The following SCEL variants were observed in gnomAD, a reference collection of about 807,000 sequenced individuals.
SCEL encodes sciellin.
SCEL carries 113 observed loss-of-function variants against 117.6 expected under a neutral mutation model. The observed-to-expected ratio is 0.96, with a 90% CI of 0.83 to 1.12. SCEL has a LOEUF of 1.12. Among genes scored for constraint, SCEL ranks in the 50% most tolerant of loss-of-function variants. The pLI, the probability that SCEL is intolerant of heterozygous loss-of-function variation, is 0.00. For missense variants in SCEL, 785 were observed against 810.8 expected (o/e 0.97, Z 0.39); for synonymous variants, 270 against 256.2 (o/e 1.05, Z -0.51).
At chr13:77,585,275 T>G (rs1169956866) in intron 9 of SCEL, among the ~76,000 whole-genome samples, 1 of 152,108 alleles carries the variant, frequency 6.6e-6, no homozygotes, top group Non-Finnish European at 1.5e-5. Context: ...TATGGGGGAA[T>G]GTAGGGATGT....
At chr13:77,625,576 G>T (rs533459986) in intron 27 of SCEL, among the ~76,000 whole-genome samples, 2 of 152,264 alleles carry the variant, frequency 1.3e-5, no homozygotes, top group South Asian at 4.1e-4. Flanking sequence ...CATTTAAAAA[G>T]TAATTTACCC....
intron 8 of SCEL, 28 bp downstream of exon 8, chr13:77,569,479 T>G: frequency 2.6e-6 from 4 of 1,534,876 alleles, no homozygotes; most frequent in Non-Finnish European, 3.6e-6. Context: ...TGTCTACCTC[T>G]TGCTGATACA....
At chr13:77,574,890 A>G (rs1207585974) in intron 9 of SCEL, among the ~76,000 whole-genome samples, 1 of 152,156 alleles carries the variant, frequency 6.6e-6, no homozygotes, top group Non-Finnish European at 1.5e-5. Flanking sequence ...ATCTTCTCCA[A>G]AAGAATTTTC....
At chr13:77,579,413 A>G (rs1367389485) in intron 9 of SCEL, among the ~76,000 whole-genome samples, 3 of 152,190 alleles carry the variant, frequency 2.0e-5, no homozygotes, top group Non-Finnish European at 4.4e-5. Context: ...TAGACAATGA[A>G]TTTCCCTCAA....
At chr13:77,588,865 T>C (rs1490570925) in intron 9 of SCEL, among the ~76,000 whole-genome samples, 4 of 152,144 alleles carry the variant, frequency 2.6e-5, no homozygotes, top group Admixed American at 1.3e-4. Context: ...TAGCAAAATA[T>C]TGAGTTATTT....
intron 32 of SCEL, among the ~76,000 whole-genome samples, chr13:77,643,063 C>A (rs371629725): frequency 1.3e-5 from 2 of 151,876 alleles, no homozygotes; most frequent in Non-Finnish European, 2.9e-5. Context: ...GAAAATTTTC[C>A]GTTTTTTTCC....
chr13:77,639,692 G>A (rs2090469360), intron 30 of SCEL, among the ~76,000 whole-genome samples: 1 of 152,052 alleles, frequency 6.6e-6, no homozygotes, highest in African/African-American at 2.4e-5. Context: ...AATAATAATA[G>A]TGGCTTGTCA....
intron 16 of SCEL, 90 bp downstream of exon 16, chr13:77,602,214 T>C (rs1270779952): frequency 9.1e-7 from 1 of 1,094,892 alleles, no homozygotes; most frequent in Non-Finnish European, 1.3e-6. Flanking sequence ...CTTTCCTTTG[T>C]GGCAGTGAAC....
intron 4 of SCEL, among the ~76,000 whole-genome samples, chr13:77,561,416 A>G (rs951222348): frequency 1.3e-5 from 2 of 152,218 alleles, no homozygotes; most frequent in East Asian, 1.9e-4. Context: ...AGGAACAAAA[A>G]TCTGTAAGCC....
At chr13:77,564,154 G>T (rs2085148062) in intron 5 of SCEL, among the ~76,000 whole-genome samples, 1 of 151,396 alleles carries the variant, frequency 6.6e-6, no homozygotes, top group Non-Finnish European at 1.5e-5. Flanking sequence ...AGTACAGCTA[G>T]GGTGGGTACT....
chr13:77,584,566 T>C (rs757805575), intron 9 of SCEL, among the ~76,000 whole-genome samples: 15 of 152,196 alleles, frequency 9.9e-5, no homozygotes, highest in Non-Finnish European at 1.6e-4. Flanking sequence ...TTTGAGGCCC[T>C]AGACATTTTA....
intron 9 of SCEL, among the ~76,000 whole-genome samples, chr13:77,575,549 A>T (rs17067972): frequency 6.6e-6 from 1 of 152,190 alleles, no homozygotes; most frequent in Non-Finnish European, 1.5e-5. Flanking sequence ...TTATGCAATA[A>T]GAGAGTTCAG....
intron 24 of SCEL, among the ~76,000 whole-genome samples, chr13:77,615,089 A>G (rs1463955527): frequency 2.0e-5 from 3 of 152,178 alleles, no homozygotes; most frequent in Admixed American, 1.3e-4. Flanking sequence ...TATAGAATAT[A>G]TTGTCCATGA....
At chr13:77,630,273 A>G (rs1276065103) in intron 28 of SCEL, among the ~76,000 whole-genome samples, 6 of 152,194 alleles carry the variant, frequency 3.9e-5, no homozygotes, top group Admixed American at 3.3e-4. Context: ...TTTTATTTCA[A>G]TTCTAAATGA....
chr13:77,592,550 T>C (rs1423092433), intron 11 of SCEL, among the ~76,000 whole-genome samples: 2 of 149,098 alleles, frequency 1.3e-5, no homozygotes, highest in Admixed American at 1.4e-4. Flanking sequence ...TCTTTTCTTC[T>C]TCTTCTTCTT....
In SCEL at chr13:77,617,604, A is replaced by T; in HGVS notation, c.1457A>T (p.Gln486Leu). The stretch of plus-strand genomic sequence containing the variant: ...AATATTTTTTCCACTTAAAGAAAAC[A>T]AGATCTTGATAAACTCATCAAGGTG... ...PKAVKNTDGK[Q>L]DLDKLIKVNP... Residue 486 changes from glutamine (Q) to leucine (L), a missense_variant, in exon 25 of 33, where the codon CAA becomes CTA. Gln to Leu is a moderately radical substitution (Grantham distance 113, BLOSUM62 -2). Coordinates refer to ENST00000349847, the MANE Select transcript of SCEL (RefSeq NM_144777.3). The T allele has an allele frequency of 6.3e-7, 1 of 1,585,126 alleles. No homozygotes were observed.
At position 77,571,712 on chromosome 13, in the gene SCEL, C is replaced by CATATATATATATAT. The variant is rs35655886; in HGVS notation, c.480-406_480-393dup. Among the ~76,000 whole-genome samples, 14 of 145,130 alleles carry CATATATATATATAT rather than the reference C, an allele frequency of 9.6e-5. No individual in the cohort carries two copies. The East Asian group carries it at 2.2e-3, about 23-fold the overall frequency. ...CTCAAAAATAAAAATAAAAATAAAA[C>CATATATATATATAT]ATATATATATATATATATAGAGTAG... On this transcript the variant is annotated intron_variant, in intron 8 of 32. Transcript: ENST00000349847.
intron 1 of SCEL, among the ~76,000 whole-genome samples, chr13:77,548,297 T>C (rs910226502): frequency 4.6e-5 from 7 of 152,250 alleles, no homozygotes; most frequent in African/African-American, 1.7e-4. Context: ...TGGGGCTTTT[T>C]AGCCCAAGGG....
At chr13:77,594,210 T>A (rs186218028) in intron 12 of SCEL, among the ~76,000 whole-genome samples, 1 of 152,196 alleles carries the variant, frequency 6.6e-6, no homozygotes, top group African/African-American at 2.4e-5. Context: ...CCATAATTTT[T>A]CCAAAGATTC....
Sources: gnomAD v4.1 joint callset for allele counts (sites outside exome capture counted in the v4.1 genomes callset) on GRCh38, gnomAD v4.1.1 for gene constraint, MANE v1.5 for transcripts, NCBI Gene and HGNC (gene_info 2026-07-23, HGNC 2026-07-21) for gene names.